Variants in MBD5 observed in about 807,000 individuals in gnomAD.
MBD5 encodes the protein methyl-CpG-binding domain protein 5.
In MBD5, 13 loss-of-function variants were observed where a neutral mutation model predicts 117.3. The observed-to-expected ratio is 0.11, with a 90% CI of 0.07 to 0.18. The LOEUF (loss-of-function observed/expected upper bound fraction) is 0.18. MBD5 is among the 10% of genes least tolerant of loss of function. The pLI, the probability that MBD5 is intolerant of heterozygous loss-of-function variation, is 1.00. For missense variants in MBD5, 1,879 were observed against 2,093.8 expected (o/e 0.90, Z 2.00); for synonymous variants, 727 against 766.4 (o/e 0.95, Z 0.85).
intron 1 of MBD5, among the ~76,000 whole-genome samples, chr2:148,092,413 A>G (rs1695966928): frequency 6.6e-6 from 1 of 152,228 alleles, no homozygotes; most frequent in Admixed American, 6.5e-5. Context: ...GAACCAGCCT[A>G]AATGTCCATC....
intron 4 of MBD5, among the ~76,000 whole-genome samples, chr2:148,378,547 A>G (rs186674774): frequency 2.0e-5 from 3 of 152,100 alleles, no homozygotes; most frequent in African/African-American, 7.2e-5. Context: ...TTTTTATACT[A>G]TATCATAAAT....
intron 4 of MBD5, among the ~76,000 whole-genome samples, chr2:148,403,851 A>T (rs1269535879): frequency 6.6e-6 from 1 of 152,114 alleles, no homozygotes; most frequent in Non-Finnish European, 1.5e-5. Context: ...GGCCAAAAGG[A>T]TCACTTATGT....
At chr2:148,187,977 G>A (rs1158667457) in intron 2 of MBD5, among the ~76,000 whole-genome samples, 1 of 152,230 alleles carries the variant, frequency 6.6e-6, no homozygotes, top group Non-Finnish European at 1.5e-5. Context: ...ATATGTAGAA[G>A]TAAAATATAT....
intron 3 of MBD5, among the ~76,000 whole-genome samples, chr2:148,330,111 A>ACACACACACACACACACACACT (rs1702602280): frequency 7.4e-6 from 1 of 134,342 alleles, no homozygotes; most frequent in Non-Finnish European, 1.6e-5. Flanking sequence ...ACACACACAC[A>ACACACACACACACACACACACT]CACACACTCT....
At chr2:148,031,366 A>G (rs750887655) in intron 1 of MBD5, among the ~76,000 whole-genome samples, 17 of 152,072 alleles carry the variant, frequency 1.1e-4, no homozygotes, top group Non-Finnish European at 1.8e-4. Flanking sequence ...AGAATTCTGT[A>G]GAGTTAATCA....
intron 3 of MBD5, among the ~76,000 whole-genome samples, chr2:148,322,839 T>A: frequency 6.6e-6 from 1 of 152,054 alleles, no homozygotes; most frequent in East Asian, 1.9e-4. Context: ...TATATATCTT[T>A]ATTTATTTAT....
rs190550158 is a variant in MBD5 at position 148,219,590 on chromosome 2, T to C, written c.-830-13655T>C. Among the ~76,000 whole-genome samples the C allele has an allele frequency of 2.2e-4, 34 of 152,282 alleles. No individual in the cohort carries two copies. In the East Asian group the frequency reaches 6.6e-3, roughly 29 times the overall value. On this transcript the variant is annotated intron_variant, in intron 2 of 13. Transcript: ENST00000642680. Reference sequence around the variant, plus strand: ...AGTGTATGTAAAAAGCTTAAAATAGTTTCTGGTGCATAGAAAATGTCCAAT... The same window carrying C: ...AGTGTATGTAAAAAGCTTAAAATAGCTTCTGGTGCATAGAAAATGTCCAAT...
chr2:148,512,794 C>T, intron 13 of MBD5, 76 bp from the exon 14 acceptor site: 1 of 1,367,936 alleles, frequency 7.3e-7, no homozygotes, highest in Non-Finnish European at 1.0e-6. Flanking sequence ...TACCCTGCTC[C>T]TTTGTCAGAA....
At chr2:148,133,578 C>T (rs1229373775) in intron 1 of MBD5, among the ~76,000 whole-genome samples, 3 of 152,226 alleles carry the variant, frequency 2.0e-5, no homozygotes, top group Admixed American at 6.5e-5. Context: ...AATCCCAGCA[C>T]TTTGGGAAGC....
intron 2 of MBD5, among the ~76,000 whole-genome samples, chr2:148,206,134 AAAAT>A (rs1699275701): frequency 6.6e-6 from 1 of 152,092 alleles, no homozygotes; most frequent in South Asian, 2.1e-4. Flanking sequence ...AAAAAAAAAA[AAAAT>A]AGAGAGACAC....
At chr2:148,346,758 TTTTTA>T in intron 4 of MBD5, 1 of 151,866 alleles carries the variant, frequency 6.6e-6, no homozygotes, top group East Asian at 1.9e-4. Flanking sequence ...TATGTCTTCT[TTTTTA>T]TTTTTAATGT....
intron 3 of MBD5, among the ~76,000 whole-genome samples, chr2:148,292,373 ATAATC>A (rs1701520032): frequency 6.6e-6 from 1 of 152,264 alleles, no homozygotes; most frequent in Non-Finnish European, 1.5e-5. Flanking sequence ...TACAGGAAAA[ATAATC>A]TAACAATACA....
intron 1 of MBD5, chr2:148,068,516 C>T (rs1490473925): frequency 6.6e-6 from 1 of 152,140 alleles, no homozygotes; most frequent in Non-Finnish European, 1.5e-5. Flanking sequence ...GTGATGCTGT[C>T]TCTGTGTCAT....
chr2:148,352,676 A>G (rs899065330), intron 4 of MBD5, among the ~76,000 whole-genome samples: 1 of 152,130 alleles, frequency 6.6e-6, no homozygotes, highest in Non-Finnish European at 1.5e-5. Context: ...CTGGAGATTC[A>G]TGCAGGTTAC....
At chr2:148,231,979 G>A (rs939803908) in intron 2 of MBD5, among the ~76,000 whole-genome samples, 3 of 152,188 alleles carry the variant, frequency 2.0e-5, no homozygotes, top group African/African-American at 7.2e-5. Flanking sequence ...ACTGGTGAGA[G>A]AATCCTCTCT....
At chr2:148,408,885 C>T (rs1030188515) in intron 4 of MBD5, among the ~76,000 whole-genome samples, 6 of 151,920 alleles carry the variant, frequency 3.9e-5, no homozygotes, top group African/African-American at 1.5e-4. Context: ...AGTCACATAG[C>T]ATTTACATCG....
At chr2:148,177,750 G>A (rs1299474357) in intron 1 of MBD5, among the ~76,000 whole-genome samples, 1 of 152,172 alleles carries the variant, frequency 6.6e-6, no homozygotes, top group Non-Finnish European at 1.5e-5. Context: ...TAAAGAATAT[G>A]CTGAGTGTGA....
chr2:148,123,995 C>A (rs962894896), intron 1 of MBD5, among the ~76,000 whole-genome samples: 2 of 152,100 alleles, frequency 1.3e-5, no homozygotes, highest in Admixed American at 1.3e-4. Flanking sequence ...GTTAAAAAAT[C>A]ACTGCAGGTC....
intron 12 of MBD5, among the ~76,000 whole-genome samples, chr2:148,504,088 A>G (rs1009451633): frequency 8.8e-4 from 134 of 152,360 alleles, no homozygotes; most frequent in African/African-American, 3.2e-3. Flanking sequence ...CTGAAAGGTA[A>G]TGAAAAACAA....
Sources: allele counts gnomAD v4.1 joint callset (sites outside exome capture counted in the v4.1 genomes callset), GRCh38; gene constraint gnomAD v4.1.1; transcripts MANE v1.5; gene names NCBI Gene and HGNC (gene_info 2026-07-23, HGNC 2026-07-21).